The following COL25A1 variants were observed in gnomAD, a reference collection of about 807,000 sequenced individuals.
The protein encoded by COL25A1 is collagen alpha-1(XXV) chain.
Under a neutral mutation model 128.4 loss-of-function variants are expected in COL25A1, and 103 were observed. The observed-to-expected ratio is 0.80, with a 90% CI of 0.68 to 0.94. The LOEUF is 0.94. COL25A1 is among the 40% of genes least tolerant of loss of function. The pLI, the probability that COL25A1 is intolerant of heterozygous loss-of-function variation, is 0.00. For missense variants in COL25A1, 745 were observed against 840.0 expected, an observed-to-expected ratio of 0.89 and a Z score of 1.40; for synonymous variants, 279 against 277.2, an observed-to-expected ratio of 1.01 and a Z score of -0.06.
chr4:109,179,599 C>T (rs1295610799), intron 3 of COL25A1, among the ~76,000 whole-genome samples: 1 of 152,180 alleles, frequency 6.6e-6, no homozygotes, highest in Non-Finnish European at 1.5e-5. Flanking sequence ...TAACCAGTCA[C>T]AAAACACTTA....
At chr4:109,031,337 C>T (rs933620648) in intron 5 of COL25A1, among the ~76,000 whole-genome samples, 4 of 151,292 alleles carry the variant, frequency 2.6e-5, no homozygotes, top group African/African-American at 9.7e-5. Context: ...AGGATGGTCT[C>T]GATCTTCTGA....
intron 24 of COL25A1, 52 bp downstream of exon 24, chr4:108,859,604 T>C: frequency 6.7e-7 from 1 of 1,492,816 alleles, no homozygotes. Context: ...ATTACATGGG[T>C]GCTCCTCAGC....
At chr4:109,073,479 C>T (rs989151515) in intron 3 of COL25A1, among the ~76,000 whole-genome samples, 2 of 152,152 alleles carry the variant, frequency 1.3e-5, no homozygotes, top group African/African-American at 2.4e-5. Flanking sequence ...ACAATCGCTG[C>T]AGATCTTCTT....
chr4:108,853,320 A>G (rs1736035140), intron 24 of COL25A1, among the ~76,000 whole-genome samples: 1 of 152,052 alleles, frequency 6.6e-6, no homozygotes, highest in Admixed American at 6.6e-5. Flanking sequence ...ACCCAATTGC[A>G]TATTTTTTCT....
chr4:108,871,091 G>A (rs1244124338), intron 19 of COL25A1, among the ~76,000 whole-genome samples: 2 of 152,124 alleles, frequency 1.3e-5, no homozygotes, highest in African/African-American at 2.4e-5. Context: ...AGGGCTTTGC[G>A]ATCTCAGCTG....
chr4:109,126,807 G>C (rs1022437284), intron 3 of COL25A1, among the ~76,000 whole-genome samples: 1 of 150,738 alleles, frequency 6.6e-6, no homozygotes, highest in Non-Finnish European at 1.5e-5. Flanking sequence ...TCATTTTGAA[G>C]ACCTACGAGT....
intron 8 of COL25A1, among the ~76,000 whole-genome samples, chr4:108,946,398 T>C (rs527844926): frequency 6.6e-6 from 1 of 152,378 alleles, no homozygotes; most frequent in South Asian, 2.1e-4. Flanking sequence ...AAGGCAATGA[T>C]AGAGCCAGAA....
chr4:109,149,225 C>G (rs137894776), intron 3 of COL25A1, among the ~76,000 whole-genome samples: 2 of 152,196 alleles, frequency 1.3e-5, no homozygotes, highest in Admixed American at 1.3e-4. Context: ...TTTGCGATTG[C>G]CAATGGACAA....
At chr4:109,083,654 G>C (rs192851667) in intron 3 of COL25A1, among the ~76,000 whole-genome samples, 2 of 151,624 alleles carry the variant, frequency 1.3e-5, no homozygotes, top group East Asian at 3.9e-4. Context: ...AGTAGAGACG[G>C]GGTTTCACTA....
intron 31 of COL25A1, among the ~76,000 whole-genome samples, chr4:108,836,056 C>T (rs1461453881): frequency 6.6e-6 from 1 of 150,490 alleles, no homozygotes; most frequent in African/African-American, 2.4e-5. Flanking sequence ...TATTTTTAAT[C>T]GAGACAGGTT....
At chr4:109,178,161 C>G (rs951988510) in intron 3 of COL25A1, among the ~76,000 whole-genome samples, 43 of 152,270 alleles carry the variant, frequency 2.8e-4, no homozygotes, top group Non-Finnish European at 5.3e-4. Flanking sequence ...CTATATACAT[C>G]CTTATGCCAA....
At chr4:108,899,995 G>T (rs547447666) in intron 14 of COL25A1, among the ~76,000 whole-genome samples, 1 of 152,056 alleles carries the variant, frequency 6.6e-6, no homozygotes, top group Non-Finnish European at 1.5e-5. Flanking sequence ...TTGAGTGAAT[G>T]TTGCCATAAG....
intron 13 of COL25A1, among the ~76,000 whole-genome samples, chr4:108,917,383 G>T (rs1744999560): frequency 6.6e-6 from 1 of 152,084 alleles, no homozygotes; most frequent in Non-Finnish European, 1.5e-5. Context: ...AGTATAAAAG[G>T]GCCAGGCCAA....
intron 2 of COL25A1, among the ~76,000 whole-genome samples, chr4:109,301,448 C>T (rs34871968): frequency 1.4e-3 from 210 of 152,250 alleles, no homozygotes; most frequent in Non-Finnish European, 2.5e-3. Context: ...AGATAAAATG[C>T]CCTTTCCGAA....
chr4:109,120,119 C>A (rs1365185586), intron 3 of COL25A1, among the ~76,000 whole-genome samples: 1 of 151,972 alleles, frequency 6.6e-6, no homozygotes, highest in Non-Finnish European at 1.5e-5. Context: ...CAAATTAATA[C>A]AGAAGAGCCT....
At chr4:109,289,214 A>T (rs1339882027) in intron 3 of COL25A1, among the ~76,000 whole-genome samples, 1 of 152,096 alleles carries the variant, frequency 6.6e-6, no homozygotes, top group Non-Finnish European at 1.5e-5. Flanking sequence ...TTATCTATAG[A>T]CATGCAAACT....
chr4:109,300,151 T>C (rs921040579), intron 3 of COL25A1, among the ~76,000 whole-genome samples: 3 of 112,402 alleles, frequency 2.7e-5, no homozygotes, highest in Non-Finnish European at 5.8e-5. Context: ...TTTACTAACA[T>C]AAACGTATGC....
chr4:108,951,318 C>A (rs1356956962), intron 8 of COL25A1, among the ~76,000 whole-genome samples: 1 of 151,958 alleles, frequency 6.6e-6, no homozygotes, highest in Non-Finnish European at 1.5e-5. Context: ...GGTTCATGAT[C>A]CTTCAACTGC....
chr4:109,263,313 T>C (rs1781572475), intron 3 of COL25A1, among the ~76,000 whole-genome samples: 1 of 152,198 alleles, frequency 6.6e-6, no homozygotes, highest in South Asian at 2.1e-4. Context: ...ACTAAACTGA[T>C]TTTTATTATC....
Sources: gnomAD v4.1 joint callset for allele counts (sites outside exome capture counted in the v4.1 genomes callset) on GRCh38, gnomAD v4.1.1 for gene constraint, MANE v1.5 for transcripts, NCBI Gene and HGNC (gene_info 2026-07-23, HGNC 2026-07-21) for gene names.